ADD2: variants seen among roughly 807,000 people sequenced by gnomAD.
ADD2 encodes the protein beta-adducin.
Under a neutral mutation model 83.0 loss-of-function variants are expected in ADD2, and 23 were observed. That is an observed-to-expected ratio of 0.28 (90% CI 0.20 to 0.39). The LOEUF (loss-of-function observed/expected upper bound fraction) is 0.39. ADD2 is among the 10% of genes least tolerant of loss of function. The probability of loss-of-function intolerance (pLI) is 1.00; values close to 1 mark genes in which losing one functional copy is unlikely to be tolerated. For missense variants in ADD2, 758 were observed against 944.9 expected (o/e 0.80, Z 2.59); for synonymous variants, 375 against 375.4 (o/e 1.00, Z 0.01).
intron 1 of ADD2, among the ~76,000 whole-genome samples, chr2:70,751,120 T>G (rs1239299288): frequency 1.3e-5 from 2 of 152,224 alleles, no homozygotes; most frequent in Non-Finnish European, 2.9e-5. Flanking sequence ...CTTGGATCAG[T>G]GCCTTATCTT....
At chr2:70,674,627 C>T (rs1392710112) in intron 14 of ADD2, 51 bp downstream of exon 14, 2 of 1,580,180 alleles carry the variant, frequency 1.3e-6, no homozygotes, top group Non-Finnish European at 1.7e-6. Context: ...CTGAGCTCTC[C>T]CCTCCACCCT....
chr2:70,695,942 T>C, intron 5 of ADD2, 141 bp from the exon 6 acceptor site: 1 of 747,308 alleles, frequency 1.3e-6, no homozygotes, highest in Non-Finnish European at 2.2e-6. Context: ...CCCCCAGCCA[T>C]AAGAGATAAA....
Position 70,676,743 on chromosome 2 carries a change from G to A in ADD2, c.1593+53C>T, listed in dbSNP as rs1670165855. On this transcript the variant is annotated intron_variant, in intron 13 of 15. Coordinates refer to ENST00000264436, the MANE Select transcript of ADD2 (RefSeq NM_001617.4). The surrounding 1 kb of genome is among the most constrained non-coding windows in gnomAD (Gnocchi z 4.8). ...CTGCAACCCAGCCCCAGGCACAGAA[G>A]ACCCCGAAGGCAAACACGTTTCCCC... is the stretch of plus-strand genomic sequence containing the variant. 6.2e-7 allele frequency: 1 copy of A among 1,612,598 alleles called. No homozygotes were observed. The highest frequency in any genetic ancestry group is 1.3e-5 in the African/African-American group (1 of 74,894).
chr2:70,659,074 G>A lies in ADD2; in HGVS notation c.*4351C>T, dbSNP rs1216435692. On this transcript the variant is annotated 3_prime_UTR_variant, in exon 16 of 16. Coordinates refer to ENST00000264436, the MANE Select transcript of ADD2 (RefSeq NM_001617.4). The stretch of plus-strand genomic sequence containing the variant: ...AGAAGAATCGCTTGAAAAACCGGGA[G>A]GCAGAGGTTGCAGTGAGCTAAGATT... 1 of 147,254 alleles carries A rather than the reference G, an allele frequency of 6.8e-6. No individual in the cohort carries two copies. Among genetic ancestry groups the A allele is most frequent in the Non-Finnish European group, 1.5e-5 (1 of 67,436 alleles). 9.1% of individuals were successfully genotyped at this position (147,254 alleles called of 1,614,324 possible). A position where few individuals can be genotyped will look rare whatever the true frequency, so the allele number is the denominator to read the frequency against.
chr2:70,716,616 G>T (rs111374002), intron 1 of ADD2, among the ~76,000 whole-genome samples: 317 of 152,344 alleles, frequency 2.1e-3, no homozygotes, highest in Non-Finnish European at 3.6e-3. Context: ...CCTGGTGCCA[G>T]TTAGGTGCTG....
At chr2:70,761,861 C>T (rs555611405) in intron 1 of ADD2, among the ~76,000 whole-genome samples, 39 of 151,310 alleles carry the variant, frequency 2.6e-4, no homozygotes, top group Non-Finnish European at 4.9e-4. Context: ...TTAGTACAGA[C>T]GGGGTTTCAC....
intron 10 of ADD2, among the ~76,000 whole-genome samples, chr2:70,680,323 G>A (rs1294878360): frequency 6.6e-6 from 1 of 152,218 alleles, no homozygotes; most frequent in South Asian, 2.1e-4. Context: ...TGCTTTTCCT[G>A]TGTTAAATTC....
chr2:70,671,545 TAAA>T (rs1558519701), intron 15 of ADD2, among the ~76,000 whole-genome samples: 1 of 152,036 alleles, frequency 6.6e-6, no homozygotes, highest in East Asian at 1.9e-4. Flanking sequence ...AGTGAGTTAG[TAAA>T]CAGCCTCTCT....
Position 70,663,532 on chromosome 2 carries a change from T to C in ADD2, c.2074A>G (p.Met692Val), listed in dbSNP as rs1553365470. 1.2e-6 allele frequency: 2 copies of C among 1,614,108 alleles called. No homozygotes were observed. The highest frequency in any genetic ancestry group is 1.7e-6 in the Non-Finnish European group (2 of 1,180,010). Residue 692 changes from methionine (M) to valine (V), a missense_variant, in exon 16 of 16, where the codon ATG becomes GTG. By Grantham distance (21) the Met-to-Val change is conservative. Coordinates refer to ENST00000264436, the MANE Select transcript of ADD2 (RefSeq NM_001617.4). The stretch of plus-strand genomic sequence containing the variant: ...TTGGAAGGTGAGCCCTCTGGGGACA[T>C]GGGGCCGCTGGTGACCGACTCGGTT... ...DKTESVTSGPMSPEGSPSKSP... is the reference protein window; with the variant it reads ...DKTESVTSGPVSPEGSPSKSP...
At chr2:70,718,841 C>T (rs1056218988) in intron 1 of ADD2, among the ~76,000 whole-genome samples, 39 of 152,144 alleles carry the variant, frequency 2.6e-4, no homozygotes, top group African/African-American at 8.2e-4. Flanking sequence ...GCCCCTCATT[C>T]GAACAAAGGG....
At chr2:70,741,205 G>A (rs1056650451) in intron 1 of ADD2, 1 of 152,128 alleles carries the variant, frequency 6.6e-6, no homozygotes, top group Non-Finnish European at 1.5e-5. Flanking sequence ...ACAAGAACAC[G>A]GCAAAGAACA....
chr2:70,727,083 G>T (rs782278249), intron 1 of ADD2, among the ~76,000 whole-genome samples: 36 of 152,184 alleles, frequency 2.4e-4, no homozygotes, highest in Non-Finnish European at 3.5e-4. Context: ...ACCTAGAAGG[G>T]CTTGAGTCCT....
chr2:70,687,036 A>G (rs1405125533), intron 9 of ADD2: 2 of 152,390 alleles, frequency 1.3e-5, no homozygotes, highest in African/African-American at 4.8e-5. Context: ...CTGGGCAAAG[A>G]GCTGACTCAT....
chr2:70,745,285 C>CA (rs1406271117), intron 1 of ADD2, among the ~76,000 whole-genome samples: 1 of 151,144 alleles, frequency 6.6e-6, no homozygotes, highest in Admixed American at 6.6e-5. Flanking sequence ...TACTCCGTCT[C>CA]AAAATAAAAA....
intron 1 of ADD2, among the ~76,000 whole-genome samples, chr2:70,756,929 C>T (rs535479339): frequency 2.0e-5 from 3 of 152,124 alleles, no homozygotes; most frequent in South Asian, 4.2e-4. Context: ...CCCAGGTTCA[C>T]GCGATTCTCC....
chr2:70,704,263 T>TCCCCCCCCCCCCCCCCCCCCCACCC, intron 4 of ADD2, 58 bp downstream of exon 4: 1 of 913,238 alleles, frequency 1.1e-6, no homozygotes, highest in Non-Finnish European at 1.7e-6. Context: ...CTCCCTCTCT[T>TCCCCCCCCCCCCCCCCCCCCCACCC]CCCCACCCCA....
rs1333181009 is a variant in ADD2 at position 70,661,757 on chromosome 2, A to G, written c.*1668T>C. 6.6e-6 allele frequency: 1 copy of G among 152,256 alleles called. No homozygotes were observed. The highest frequency in any genetic ancestry group is 1.5e-5 in the Non-Finnish European group (1 of 68,052). 9.4% of individuals were successfully genotyped at this position (152,256 alleles called of 1,614,324 possible). On this transcript the variant is annotated 3_prime_UTR_variant, in exon 16 of 16. Transcript: ENST00000264436. ...TAACATTATGCAATGGAGAACAGTC[A>G]TAGAGACAAATCCTGGATGAAAACC...
chr2:70,688,102 A>G lies in ADD2; in HGVS notation c.870T>C (p.His290=), dbSNP rs1183811069. The G allele has an allele frequency of 6.2e-7, 1 of 1,613,918 alleles. No individual in the cohort carries two copies. Among genetic ancestry groups the G allele is most frequent in the African/African-American group, 1.3e-5 (1 of 74,932 alleles). Residue 290 remains histidine, a synonymous_variant, in exon 9 of 16, where the codon CAT becomes CAC. Coordinates refer to ENST00000264436, the MANE Select transcript of ADD2 (RefSeq NM_001617.4). Reference sequence around the variant, plus strand: ...CCGTGTCACCCAGAGCAACCACTCCATGGTTTCTTAGCACCAGGATCTGTA... The same window carrying G: ...CCGTGTCACCCAGAGCAACCACTCCGTGGTTTCTTAGCACCAGGATCTGTA... ...PTCKILVLRN[H]GVVALGDTVE... is the part of the protein sequence containing the mutation.
At chr2:70,691,317 G>A (rs1553371615) in intron 7 of ADD2, among the ~76,000 whole-genome samples, 3 of 152,204 alleles carry the variant, frequency 2.0e-5, no homozygotes, top group Admixed American at 6.5e-5. Flanking sequence ...AGGGTAAGCA[G>A]AGTCCAGATC....
Sources: gnomAD v4.1 joint callset for allele counts (sites outside exome capture counted in the v4.1 genomes callset) on GRCh38, gnomAD v4.1.1 for gene constraint, Gnocchi (gnomAD v3.1) non-coding constraint, MANE v1.5 for transcripts, NCBI Gene and HGNC (gene_info 2026-07-23, HGNC 2026-07-21) for gene names.